Variants in ZEB1 observed in about 807,000 individuals in gnomAD.
ZEB1 encodes the protein zinc finger E-box binding homeobox 1, also known as zinc finger E-box-binding homeobox 1.
A neutral mutation model predicts 84.9 loss-of-function variants in ZEB1; 21 were observed. The ratio of observed to expected loss-of-function variants is 0.25; its 90% confidence interval spans 0.18 to 0.36. The LOEUF is 0.36. Ranked by LOEUF, ZEB1 falls within the 10% of genes least tolerant of loss-of-function variation. ZEB1 has a pLI of 1.00. For missense variants in ZEB1, 1,104 were observed against 1,330.2 expected (o/e 0.83, Z 2.65); for synonymous variants, 420 against 471.1 (o/e 0.89, Z 1.41).
At chr10:31,524,965 G>A (rs1001112455) in intron 8 of ZEB1, among the ~76,000 whole-genome samples, 1 of 152,122 alleles carries the variant, frequency 6.6e-6, no homozygotes, top group East Asian at 1.9e-4. Flanking sequence ...GTTGACTCAG[G>A]GATGGCAAAC....
intron 1 of ZEB1, among the ~76,000 whole-genome samples, chr10:31,393,629 C>T (rs780589014): frequency 2.6e-5 from 4 of 152,072 alleles, no homozygotes; most frequent in Non-Finnish European, 5.9e-5. Flanking sequence ...GTGCTAGGTT[C>T]CTGGTTTTCG....
At chr10:31,349,235 T>TG (rs769531280) in intron 1 of ZEB1, among the ~76,000 whole-genome samples, 105 of 152,340 alleles carry the variant, frequency 6.9e-4, no homozygotes, top group African/African-American at 2.4e-3. Context: ...TCCGTGTCGT[T>TG]GCAACTGACA....
chr10:31,408,790 C>T (rs2053643949), intron 1 of ZEB1, among the ~76,000 whole-genome samples: 1 of 149,492 alleles, frequency 6.7e-6, no homozygotes, highest in South Asian at 2.1e-4. Flanking sequence ...ACCATAAAAA[C>T]CCTAGAAGAA....
At chr10:31,393,351 G>A (rs1231476253) in intron 1 of ZEB1, among the ~76,000 whole-genome samples, 1 of 152,078 alleles carries the variant, frequency 6.6e-6, no homozygotes, top group Admixed American at 6.6e-5. Flanking sequence ...TATCCAGGAA[G>A]AACAGTTTGT....
In ZEB1 at chr10:31,509,601, G is replaced by T. The variant is rs921352459; in HGVS notation, c.485-1072G>T. Among the ~76,000 whole-genome samples the T allele has an allele frequency of 1.2e-4, 19 of 152,226 alleles. 3 individuals are homozygous for T. Among genetic ancestry groups the T allele is most frequent in the East Asian group, 9.7e-4 (5 of 5,178 alleles). ...TTGACCAACTATTTAACATTCAGGT[G>T]CTCAGTCTATTATTTGCAGTCTGGT... is the stretch of plus-strand genomic sequence containing the variant. On this transcript the variant is annotated intron_variant, in intron 4 of 8. Transcript: ENST00000424869.
intron 1 of ZEB1, among the ~76,000 whole-genome samples, chr10:31,329,519 T>G (rs2036304991): frequency 1.3e-5 from 2 of 152,180 alleles, no homozygotes; most frequent in South Asian, 4.1e-4. Context: ...TATATGCATA[T>G]ATATCTTACA....
chr10:31,400,996 CATT>C (rs1429287932), intron 1 of ZEB1, among the ~76,000 whole-genome samples: 2 of 152,056 alleles, frequency 1.3e-5, no homozygotes, highest in Non-Finnish European at 2.9e-5. Context: ...GCTGATGTAT[CATT>C]ATTAATAAAT....
chr10:31,478,850 C>T (rs1383632074), intron 2 of ZEB1, among the ~76,000 whole-genome samples: 1 of 151,668 alleles, frequency 6.6e-6, no homozygotes, highest in East Asian at 1.9e-4. Context: ...ACGTTGGAGA[C>T]TCCAAAAAGG....
intron 1 of ZEB1, among the ~76,000 whole-genome samples, chr10:31,431,568 C>T (rs1278412464): frequency 6.6e-6 from 1 of 152,100 alleles, no homozygotes; most frequent in African/African-American, 2.4e-5. Flanking sequence ...AACTCCGCAT[C>T]CTACTTTTAG....
chr10:31,497,057 G>T (rs975148514), intron 3 of ZEB1, among the ~76,000 whole-genome samples: 2 of 152,088 alleles, frequency 1.3e-5, no homozygotes, highest in Non-Finnish European at 2.9e-5. Flanking sequence ...CATGAATAAT[G>T]TATTCAGATA....
intron 2 of ZEB1, among the ~76,000 whole-genome samples, chr10:31,485,425 C>T (rs2065601391): frequency 6.6e-6 from 1 of 151,878 alleles, no homozygotes; most frequent in African/African-American, 2.4e-5. Context: ...GAATAATTGA[C>T]TCTAAAGCGT....
chr10:31,432,670 C>T (rs1032521147), intron 1 of ZEB1, among the ~76,000 whole-genome samples: 11 of 152,230 alleles, frequency 7.2e-5, no homozygotes, highest in Non-Finnish European at 1.2e-4. Flanking sequence ...TCAAAAGATG[C>T]TTGTCTCAGG....
At chr10:31,328,964 A>G (rs976360153) in intron 1 of ZEB1, among the ~76,000 whole-genome samples, 4 of 152,012 alleles carry the variant, frequency 2.6e-5, no homozygotes, top group Admixed American at 2.0e-4. Context: ...GATCAGGACT[A>G]TTCTAAGCCA....
chr10:31,428,020 C>T (rs1019276137), intron 1 of ZEB1, among the ~76,000 whole-genome samples: 7 of 152,078 alleles, frequency 4.6e-5, no homozygotes, highest in Non-Finnish European at 1.0e-4. Context: ...AAAACTAGCT[C>T]CTGGATTCGT....
In ZEB1 at chr10:31,420,241, AT is replaced by A. The variant is rs372940016; in HGVS notation, c.59-40793del. Among the ~76,000 whole-genome samples the A allele has an allele frequency of 7.2e-5, 11 of 152,262 alleles. No individual in the cohort carries two copies. In the East Asian group the frequency reaches 2.1e-3, roughly 29 times the overall value. ...GTAACAAATGACAAGAAATTTAGTG[AT>A]TTAAACAACACGTATTTATTGTCTC... is the stretch of plus-strand genomic sequence containing the variant. On this transcript the variant is annotated intron_variant, in intron 1 of 8. Transcript: ENST00000424869.
chr10:31,363,143 C>A lies in ZEB1; in HGVS notation c.58+43851C>A, dbSNP rs919626815. 10 of 1,533,802 alleles carry A rather than the reference C, an allele frequency of 6.5e-6. No individual in the cohort carries two copies. In the African/African-American group the frequency reaches 1.2e-4, roughly 19 times the overall value. ...CTACTTGATCCAAGAGCTGCAGGAT[C>A]CTTGGGCTGCATGTCCTCCCCCACC... is the stretch of plus-strand genomic sequence containing the variant. On this transcript the variant is annotated intron_variant, in intron 1 of 8. Transcript: ENST00000424869.
At chr10:31,415,904 T>G (rs751461701) in intron 1 of ZEB1, among the ~76,000 whole-genome samples, 1 of 152,092 alleles carries the variant, frequency 6.6e-6, no homozygotes, top group Non-Finnish European at 1.5e-5. Flanking sequence ...TTAAGAGCTG[T>G]CCAGGTTGAC....
chr10:31,403,720 A>G (rs753743757), intron 1 of ZEB1, among the ~76,000 whole-genome samples: 2 of 152,022 alleles, frequency 1.3e-5, no homozygotes, highest in African/African-American at 4.8e-5. Flanking sequence ...AAGAGTGATT[A>G]CTAGTATATT....
At chr10:31,342,124 G>A (rs903655673) in intron 1 of ZEB1, among the ~76,000 whole-genome samples, 1 of 152,182 alleles carries the variant, frequency 6.6e-6, no homozygotes, top group Non-Finnish European at 1.5e-5. Context: ...TTCCATAAGA[G>A]CAAGGTGGGT....
Sources: allele counts gnomAD v4.1 joint callset (sites outside exome capture counted in the v4.1 genomes callset), GRCh38; gene constraint gnomAD v4.1.1; transcripts MANE v1.5; gene names NCBI Gene and HGNC (gene_info 2026-07-23, HGNC 2026-07-21).